Variants in DPP10 observed in about 807,000 individuals in gnomAD.
DPP10 encodes the protein dipeptidyl peptidase like 10, also known as inactive dipeptidyl peptidase 10.
In DPP10, 33 loss-of-function variants were observed where a neutral mutation model predicts 120.9. The observed-to-expected ratio is 0.27, with a 90% CI of 0.21 to 0.37. The LOEUF (loss-of-function observed/expected upper bound fraction) is 0.37, where lower values mean the gene tolerates loss of function less well. Among genes scored for constraint, DPP10 ranks in the 10% least tolerant of loss-of-function variants. DPP10 has a pLI of 1.00. For missense variants in DPP10, 816 were observed against 942.8 expected (o/e 0.87, Z 1.76); for synonymous variants, 337 against 326.1 (o/e 1.03, Z -0.36).
rs59076753 is a variant in DPP10, at chr2:114,714,071, TTGTGTGTGTGTGTG to T, written c.60+271255_60+271268del. The stretch of plus-strand genomic sequence containing the variant: ...CATGTGTTCCTGAGTGGATTTGTGT[TTGTGTGTGTGTGTG>T]TGTGTGTGTGTGTGTGTGTGTTTGC... On this transcript the variant is annotated intron_variant, in intron 1 of 25. Transcript: ENST00000410059. Among the ~76,000 whole-genome samples the T allele has an allele frequency of 1.4e-3, 200 of 147,426 alleles. 3 individuals carry two copies. Among genetic ancestry groups the T allele is most frequent in the African/African-American group, 1.2e-3 (49 of 40,378 alleles).
chr2:114,984,990 C>G (rs1368559534), intron 1 of DPP10, among the ~76,000 whole-genome samples: 1 of 152,142 alleles, frequency 6.6e-6, no homozygotes, highest in East Asian at 1.9e-4. Flanking sequence ...TCATATCACT[C>G]TCCTGACTAA....
At chr2:114,716,057 TA>T (rs374803527) in intron 1 of DPP10, among the ~76,000 whole-genome samples, 2,585 of 146,832 alleles carry the variant, frequency 0.018, 94 homozygotes, top group African/African-American at 0.061. Flanking sequence ...GTCTTTTTTT[TA>T]AAAAAAAAAC....
chr2:114,741,021 G>A (rs1041922136), intron 1 of DPP10, among the ~76,000 whole-genome samples: 1 of 152,102 alleles, frequency 6.6e-6, no homozygotes, highest in Non-Finnish European at 1.5e-5. Context: ...TGGATAACAG[G>A]TACTTTATAT....
chr2:114,507,954 TG>T (rs1315103023), intron 1 of DPP10, among the ~76,000 whole-genome samples: 2 of 152,128 alleles, frequency 1.3e-5, no homozygotes, highest in African/African-American at 4.8e-5. Context: ...CCTGAAAAAA[TG>T]GCAAGTAGAA....
At chr2:114,986,819 G>A (rs900111828) in intron 1 of DPP10, among the ~76,000 whole-genome samples, 2 of 152,106 alleles carry the variant, frequency 1.3e-5, no homozygotes, top group Non-Finnish European at 2.9e-5. Context: ...CGCCTAGGCT[G>A]GAGTGCAGTG....
intron 1 of DPP10, among the ~76,000 whole-genome samples, chr2:114,573,509 C>T (rs559775937): frequency 1.3e-5 from 2 of 152,102 alleles, no homozygotes; most frequent in Admixed American, 1.3e-4. Context: ...AAGAGAAGTA[C>T]AAGGAAAAGA....
chr2:114,982,834 T>C (rs1700172409), intron 1 of DPP10, among the ~76,000 whole-genome samples: 1 of 152,036 alleles, frequency 6.6e-6, no homozygotes, highest in Non-Finnish European at 1.5e-5. Context: ...CTTGAACTCC[T>C]GGGCTCAAGC....
At chr2:115,713,683 C>T (rs77917021) in intron 7 of DPP10, among the ~76,000 whole-genome samples, 2,096 of 152,274 alleles carry the variant, frequency 0.014, 39 homozygotes, top group South Asian at 0.088. Context: ...GCACTGCAAC[C>T]TGAGAGACTG....
chr2:114,702,386 G>C (rs1700437449), intron 1 of DPP10, among the ~76,000 whole-genome samples: 1 of 151,942 alleles, frequency 6.6e-6, no homozygotes, highest in Non-Finnish European at 1.5e-5. Context: ...GTTGTTGGGA[G>C]AGCATCACAG....
At chr2:114,979,576 T>G (rs1380603146) in intron 1 of DPP10, among the ~76,000 whole-genome samples, 1 of 152,086 alleles carries the variant, frequency 6.6e-6, no homozygotes, top group African/African-American at 2.4e-5. Context: ...TTTGATAATG[T>G]GTAAATATGT....
chr2:114,641,030 A>T (rs1695667609), intron 1 of DPP10, among the ~76,000 whole-genome samples: 1 of 151,958 alleles, frequency 6.6e-6, no homozygotes, highest in Non-Finnish European at 1.5e-5. Flanking sequence ...AGAAAAATAA[A>T]AGTCATGAAA....
intron 1 of DPP10, among the ~76,000 whole-genome samples, chr2:114,750,223 C>G (rs986913074): frequency 7.8e-4 from 119 of 151,948 alleles, no homozygotes; most frequent in African/African-American, 2.7e-3. Context: ...GAAACAACTC[C>G]ATGCAATGGC....
intron 5 of DPP10, among the ~76,000 whole-genome samples, chr2:115,627,164 A>C (rs2085432083): frequency 6.6e-6 from 1 of 152,316 alleles, no homozygotes; most frequent in Non-Finnish European, 1.5e-5. Context: ...AAAGAAAGAC[A>C]AAAATGGCAG....
intron 3 of DPP10, among the ~76,000 whole-genome samples, chr2:115,392,672 C>T (rs1439826152): frequency 3.3e-5 from 5 of 151,950 alleles, no homozygotes; most frequent in Admixed American, 2.0e-4. Context: ...GTTTATAGAT[C>T]GGACTGTATT....
At chr2:115,644,316 G>A (rs866577554) in intron 5 of DPP10, among the ~76,000 whole-genome samples, 11 of 151,904 alleles carry the variant, frequency 7.2e-5, no homozygotes, top group South Asian at 2.1e-4. Context: ...TCCCCCCTCC[G>A]CCCACTCCGC....
intron 1 of DPP10, among the ~76,000 whole-genome samples, chr2:115,003,024 G>A (rs1029125164): frequency 6.6e-6 from 1 of 151,680 alleles, no homozygotes; most frequent in African/African-American, 2.4e-5. Flanking sequence ...TATACTCAAA[G>A]GACTACATAT....
At chr2:114,515,409 A>G (rs1181820557) in intron 1 of DPP10, among the ~76,000 whole-genome samples, 1 of 152,230 alleles carries the variant, frequency 6.6e-6, no homozygotes, top group African/African-American at 2.4e-5. Context: ...GGACCATAGC[A>G]CTTTAGAAAG....
At chr2:115,280,244 T>A (rs2060103112) in intron 1 of DPP10, among the ~76,000 whole-genome samples, 1 of 152,136 alleles carries the variant, frequency 6.6e-6, no homozygotes, top group Non-Finnish European at 1.5e-5. Flanking sequence ...ATGGACAAAG[T>A]CTTAAGATCT....
At chr2:114,606,410 A>G (rs2105257714) in intron 1 of DPP10, among the ~76,000 whole-genome samples, 1 of 152,126 alleles carries the variant, frequency 6.6e-6, no homozygotes, top group South Asian at 2.1e-4. Flanking sequence ...TGCTGCTTGT[A>G]TTTCAGTGTC....
Sources: allele counts gnomAD v4.1 joint callset (sites outside exome capture counted in the v4.1 genomes callset), GRCh38; gene constraint gnomAD v4.1.1; transcripts MANE v1.5; gene names NCBI Gene and HGNC (gene_info 2026-07-23, HGNC 2026-07-21).